The following ALX3 variants were observed in gnomAD, a reference collection of about 807,000 sequenced individuals.
ALX3 encodes ALX homeobox 3, also known as homeobox protein aristaless-like 3.
Under a neutral mutation model 26.3 loss-of-function variants are expected in ALX3, and 17 were observed. The observed-to-expected ratio is 0.65, with a 90% CI of 0.44 to 0.97. The LOEUF (loss-of-function observed/expected upper bound fraction) is 0.97, where lower values mean the gene tolerates loss of function less well. Among genes scored for constraint, ALX3 ranks in the 50% least tolerant of loss-of-function variants. ALX3 has a pLI of 0.00. For missense variants in ALX3, 461 were observed against 466.5 expected, an observed-to-expected ratio of 0.99 and a Z score of 0.11; for synonymous variants, 208 against 201.4, an observed-to-expected ratio of 1.03 and a Z score of -0.28.
chr1:110,060,821 G>C lies in ALX3; in HGVS notation c.944C>G (p.Ser315Cys). The change falls in exon 4 of 4, where the codon TCC becomes TGC. Residue 315 changes from serine to cysteine, a missense_variant. This residue lies in a region of ALX3 where 169 missense variants were observed against 178.0 expected (regional missense o/e 0.95). Transcript: ENST00000647563. The part of the protein sequence containing the change: ...PTLGGHSFEP[S>C]SDGDYKSPSL... ...TGGAGACTTATAGTCACCATCTGAG[G>C]AAGGCTCAAAGCTGTGGCCCCCCAG... is the stretch of plus-strand genomic sequence containing the variant. The C allele has an allele frequency of 6.2e-7, 1 of 1,614,076 alleles. No individual in the cohort carries two copies. Among genetic ancestry groups the C allele is most frequent in the Non-Finnish European group, 8.5e-7 (1 of 1,180,014 alleles).
At chr1:110,062,691 G>GT (rs1653684410) in intron 2 of ALX3, 2 of 149,484 alleles carry the variant, frequency 1.3e-5, no homozygotes, top group African/African-American at 5.0e-5. Context: ...CTGCCCCCAT[G>GT]GTCATTCCTA....
chr1:110,063,533 A>T (rs1363570040), intron 2 of ALX3, among the ~76,000 whole-genome samples: 2 of 152,070 alleles, frequency 1.3e-5, no homozygotes, highest in Non-Finnish European at 2.9e-5. Flanking sequence ...TCCTGCCAGG[A>T]CTATCTCCTG....
At position 110,060,316 on chromosome 1, in the gene ALX3, C is replaced by G. The variant is rs1382605830; in HGVS notation, c.*417G>C. The G allele has an allele frequency of 6.5e-6, 1 of 154,314 alleles. No individual in the cohort carries two copies. The highest frequency in any genetic ancestry group is 2.4e-5 in the African/African-American group (1 of 41,466). The allele number at this position is 154,314 out of a possible 1,614,324, so 9.6% of individuals were successfully genotyped here. ...ACTCCACCCCATCATGGGAGACTCC[C>G]TTTTGGTTTCCATCTCATCATGAAG... On this transcript the variant is annotated 3_prime_UTR_variant, in exon 4 of 4. Coordinates refer to ENST00000647563, the MANE Select transcript of ALX3 (RefSeq NM_006492.3).
In ALX3 at chr1:110,064,599, CTCAG is replaced by C. The variant is rs387906319; in HGVS notation, c.578_581del (p.Thr193ArgfsTer137). ...GCAGTGCCCTCACCTGTACCCGGGCCTCAGTCAGGTCTGTGCGCAGGGCCAGCTG... is the reference window on the plus strand; with the variant it reads ...GCAGTGCCCTCACCTGTACCCGGGCCTCAGGTCTGTGCGCAGGGCCAGCTG... On this transcript the variant is annotated frameshift_variant, in exon 2 of 4. Transcript: ENST00000647563. LOFTEE classifies it high-confidence loss of function. The C allele has an allele frequency of 3.1e-6, 5 of 1,614,102 alleles. No individual in the cohort carries two copies. The highest frequency in any genetic ancestry group is 4.2e-6 in the Non-Finnish European group (5 of 1,180,042).
chr1:110,061,186 A>G (rs376358280), intron 3 of ALX3, 145 bp from the exon 4 acceptor site: 13 of 1,053,762 alleles, frequency 1.2e-5, no homozygotes, highest in Middle Eastern at 3.1e-4. Context: ...CTCACCCCCA[A>G]CACTGGCAGT....
rs372079233 is a variant in ALX3 at position 110,060,896 on chromosome 1, G to C, written c.869C>G (p.Pro290Arg). 1.6e-5 allele frequency: 26 copies of C among 1,613,716 alleles called. No individual in the cohort carries two copies. The highest frequency in any genetic ancestry group is 6.7e-5 in the East Asian group (3 of 44,846). ...SVAGFMGVPA[P>R]SAAHPGIYSI... is the part of the protein sequence containing the mutation. ...GTAGATGCCAGGGTGAGCCGCAGAAGGGGCTGGCACCCCCATGAAGCCAGC... is the reference window on the plus strand; with the variant it reads ...GTAGATGCCAGGGTGAGCCGCAGAACGGGCTGGCACCCCCATGAAGCCAGC... The change falls in exon 4 of 4, where the codon CCT becomes CGT. Residue 290 changes from proline (P) to arginine (R), a missense_variant. Physicochemically the swap from Pro to Arg is moderately radical, Grantham distance 103. Coordinates refer to ENST00000647563, the MANE Select transcript of ALX3 (RefSeq NM_006492.3).
chr1:110,067,035 C>T (rs1279888480), intron 1 of ALX3, among the ~76,000 whole-genome samples: 1 of 152,222 alleles, frequency 6.6e-6, no homozygotes, highest in Admixed American at 6.5e-5. Flanking sequence ...TCCTCATTGT[C>T]ATTGCCCTGA....
At chr1:110,063,662 C>T (rs1284470106) in intron 2 of ALX3, among the ~76,000 whole-genome samples, 3 of 151,842 alleles carry the variant, frequency 2.0e-5, no homozygotes, top group Non-Finnish European at 2.9e-5. Context: ...TAAGAGGTCA[C>T]CTCCTCACCT....
chr1:110,060,991 G>C lies in ALX3; in HGVS notation c.774C>G (p.Pro258=). The change falls in exon 4 of 4, where the codon CCC becomes CCG. Residue 258 remains proline, a synonymous_variant. Coordinates refer to ENST00000647563, the MANE Select transcript of ALX3 (RefSeq NM_006492.3). ...GGATGCCCTCTGGAGACACAAGGCA[G>C]GGGCCTCCAGGGCTCCCAGATCCTG... ...ASPGSGSPGG[P]CLVSPEGIPS... is the part of the protein sequence containing the mutation. 2 of 1,612,096 alleles carry C rather than the reference G, an allele frequency of 1.2e-6. No homozygotes were observed. The highest frequency in any genetic ancestry group is 2.7e-5 in the African/African-American group (2 of 75,028).
chr1:110,061,075 G>GT (rs1653629298), intron 3 of ALX3, 34 bp from the exon 4 acceptor site: 1 of 1,576,770 alleles, frequency 6.3e-7, no homozygotes, highest in African/African-American at 1.3e-5. Context: ...CCATGAGCCT[G>GT]TAGCCTCAGG....
intron 2 of ALX3, chr1:110,061,765 T>C: frequency 1.3e-6 from 1 of 772,150 alleles, no homozygotes; most frequent in African/African-American, 1.7e-5. Flanking sequence ...CCACAGTGGG[T>C]AATTGGCCCC....
chr1:110,070,037 C>T (rs1039590436), intron 1 of ALX3, among the ~76,000 whole-genome samples: 1 of 152,148 alleles, frequency 6.6e-6, no homozygotes, highest in Non-Finnish European at 1.5e-5. Flanking sequence ...CTTCCCAGGT[C>T]CAACTGCTTT....
At position 110,070,508 on chromosome 1, in the gene ALX3, C is replaced by T. The variant is rs1653893276; in HGVS notation, c.105G>A (p.Ala35=). The T allele has an allele frequency of 2.3e-6, 3 of 1,280,740 alleles. No homozygotes were observed. Among genetic ancestry groups the T allele is most frequent in the South Asian group, 2.5e-5 (1 of 40,770 alleles). 79.3% of individuals were successfully genotyped at this position (1,280,740 alleles called of 1,614,324 possible). A position where few individuals can be genotyped will look rare whatever the true frequency, so the allele number is the denominator to read the frequency against. ...PPGPQGTPAA[A]PHLHPAPPRG... ...GGGGCGGCGCGGGGTGCAGGTGAGGCGCAGCGGCGGGGGTTCCCTGCGGGC... is the reference window on the plus strand; with the variant it reads ...GGGGCGGCGCGGGGTGCAGGTGAGGTGCAGCGGCGGGGGTTCCCTGCGGGC... Residue 35 remains alanine, a synonymous_variant, in exon 1 of 4, where the codon GCG becomes GCA. Transcript: ENST00000647563.
chr1:110,065,639 C>T (rs1163760665), intron 1 of ALX3, among the ~76,000 whole-genome samples: 2 of 152,182 alleles, frequency 1.3e-5, no homozygotes. Flanking sequence ...AGTTGGGGAC[C>T]AGTGTCACAA....
chr1:110,070,571 T>A lies in ALX3; in HGVS notation c.42A>T (p.Ala14=). ...EHCAPFRVGP[A]PGPYVASGDE... The stretch of plus-strand genomic sequence containing the variant: ...CCCCCGAGGCCACATAGGGGCCGGG[T>A]GCAGGCCCCACGCGGAAAGGCGCGC... The change falls in exon 1 of 4, where the codon GCA becomes GCT. Residue 14 remains alanine, a synonymous_variant. Coordinates refer to ENST00000647563, the MANE Select transcript of ALX3 (RefSeq NM_006492.3). The A allele has an allele frequency of 7.7e-7, 1 of 1,301,926 alleles. No individual in the cohort carries two copies. The highest frequency in any genetic ancestry group is 9.8e-7 in the Non-Finnish European group (1 of 1,023,680). 80.6% of individuals were successfully genotyped at this position (1,301,926 alleles called of 1,614,324 possible).
chr1:110,066,572 T>TCCCCCCCCCCCCCCCCCC (rs71580517), intron 1 of ALX3, among the ~76,000 whole-genome samples: 5 of 72,590 alleles, frequency 6.9e-5, no homozygotes, highest in Admixed American at 5.2e-4. Flanking sequence ...GAATGGGACA[T>TCCCCCCCCCCCCCCCCCC]CCCCCCCCCC....
intron 2 of ALX3, 84 bp downstream of exon 2, chr1:110,064,503 C>T (rs1557802800): frequency 1.3e-6 from 2 of 1,523,520 alleles, no homozygotes; most frequent in Non-Finnish European, 1.8e-6. Flanking sequence ...CACCAGTGCC[C>T]ACCTCTCCCA....
chr1:110,067,256 T>C (rs1371545241), intron 1 of ALX3, among the ~76,000 whole-genome samples: 1 of 151,648 alleles, frequency 6.6e-6, no homozygotes, highest in Non-Finnish European at 1.5e-5. Context: ...TGTAAAGGAG[T>C]GAGGGCTGCT....
chr1:110,067,743 C>T (rs1653822732), intron 1 of ALX3, among the ~76,000 whole-genome samples: 1 of 152,244 alleles, frequency 6.6e-6, no homozygotes, highest in African/African-American at 2.4e-5. Context: ...CTGCAGAACT[C>T]GCTGAGGCCC....
Sources: gnomAD v4.1 joint callset for allele counts (sites outside exome capture counted in the v4.1 genomes callset) on GRCh38, gnomAD v4.1.1 for gene constraint, gnomAD v4.1.1 regional missense constraint, MANE v1.5 for transcripts, NCBI Gene and HGNC (gene_info 2026-07-23, HGNC 2026-07-21) for gene names.